The following DLC1 variants were observed in gnomAD, a reference collection of about 807,000 sequenced individuals.
The protein encoded by DLC1 is DLC1 Rho GTPase activating protein, also known as rho GTPase-activating protein 7.
Under a neutral mutation model 140.3 loss-of-function variants are expected in DLC1, and 54 were observed. The ratio of observed to expected loss-of-function variants is 0.38; its 90% confidence interval spans 0.31 to 0.48. The LOEUF (loss-of-function observed/expected upper bound fraction) is 0.48. Among genes scored for constraint, DLC1 ranks in the 20% least tolerant of loss-of-function variants. The pLI, the probability that DLC1 is intolerant of heterozygous loss-of-function variation, is 0.96. For synonymous variants in DLC1, 986 were observed against 728.1 expected, an observed-to-expected ratio of 1.35 and a Z score of -5.70; for missense variants, 2,536 against 1,907.0, an observed-to-expected ratio of 1.33 and a Z score of -6.14.
At chr8:13,230,708 T>C (rs1829009843) in intron 5 of DLC1, among the ~76,000 whole-genome samples, 1 of 151,502 alleles carries the variant, frequency 6.6e-6, no homozygotes, top group Non-Finnish European at 1.5e-5. Context: ...GCAATTCTCC[T>C]GCCTCAGCCT....
At chr8:13,422,650 G>A (rs1375620293) in intron 2 of DLC1, among the ~76,000 whole-genome samples, 1 of 152,080 alleles carries the variant, frequency 6.6e-6, no homozygotes, top group Non-Finnish European at 1.5e-5. Context: ...TCTGGTTAAA[G>A]GGAGGGTGCT....
intron 5 of DLC1, among the ~76,000 whole-genome samples, chr8:13,197,660 T>A (rs931158110): frequency 1.3e-5 from 2 of 152,016 alleles, no homozygotes; most frequent in African/African-American, 2.4e-5. Context: ...TATTTTTTTT[T>A]AAAAGAGTAA....
At chr8:13,439,501 A>C (rs946022372) in intron 2 of DLC1, among the ~76,000 whole-genome samples, 29 of 151,810 alleles carry the variant, frequency 1.9e-4, no homozygotes, top group African/African-American at 6.8e-4. Flanking sequence ...TAAATCCCTA[A>C]TGAATAAGGT....
chr8:13,374,556 GGGTGGATC>G (rs1835879816), intron 4 of DLC1, among the ~76,000 whole-genome samples: 1 of 152,118 alleles, frequency 6.6e-6, no homozygotes, highest in African/African-American at 2.4e-5. Flanking sequence ...AGGCCGAGGC[GGGTGGATC>G]ATGAGGTCAG....
intron 1 of DLC1, among the ~76,000 whole-genome samples, chr8:13,529,107 G>T (rs1280000546): frequency 1.3e-5 from 2 of 152,126 alleles, no homozygotes; most frequent in Non-Finnish European, 2.9e-5. Flanking sequence ...TAAGCGAACA[G>T]AATAAGTGAA....
intron 5 of DLC1, among the ~76,000 whole-genome samples, chr8:13,137,070 A>T (rs972722410): frequency 6.6e-6 from 1 of 152,224 alleles, no homozygotes; most frequent in African/African-American, 2.4e-5. Context: ...CCAAGAGATG[A>T]TTAAAACAAA....
At chr8:13,280,105 C>G (rs2117420017) in intron 5 of DLC1, among the ~76,000 whole-genome samples, 1 of 150,476 alleles carries the variant, frequency 6.6e-6, no homozygotes, top group African/African-American at 2.5e-5. Context: ...CAGTGAAACC[C>G]CCGTCTCTAC....
chr8:13,295,083 TG>T (rs1259377963), intron 5 of DLC1, among the ~76,000 whole-genome samples: 1 of 152,126 alleles, frequency 6.6e-6, no homozygotes, highest in African/African-American at 2.4e-5. Context: ...CACAGCTCAG[TG>T]GGGAAAATTT....
intron 4 of DLC1, among the ~76,000 whole-genome samples, chr8:13,370,562 G>C (rs1835682748): frequency 6.6e-6 from 1 of 152,098 alleles, no homozygotes; most frequent in African/African-American, 2.4e-5. Context: ...TGTGAGTGAG[G>C]GCTGTTCCTC....
chr8:13,140,165 G>A (rs956225878), intron 5 of DLC1, among the ~76,000 whole-genome samples: 1 of 152,030 alleles, frequency 6.6e-6, no homozygotes, highest in Non-Finnish European at 1.5e-5. Context: ...GCCCCTTTGT[G>A]TCTGGCTTAT....
chr8:13,218,429 G>T (rs548609589), intron 5 of DLC1, among the ~76,000 whole-genome samples: 48 of 152,180 alleles, frequency 3.2e-4, no homozygotes, highest in African/African-American at 1.1e-3. Flanking sequence ...AAAGGAAACT[G>T]TTGATAAAGA....
chr8:13,292,888 G>C (rs1831815138), intron 5 of DLC1, among the ~76,000 whole-genome samples: 1 of 152,122 alleles, frequency 6.6e-6, no homozygotes, highest in Non-Finnish European at 1.5e-5. Flanking sequence ...ATAGTTAGGA[G>C]CAGCAGCATG....
chr8:13,321,847 G>A (rs1466497024), intron 4 of DLC1, among the ~76,000 whole-genome samples: 5 of 152,090 alleles, frequency 3.3e-5, no homozygotes, highest in Non-Finnish European at 7.4e-5. Context: ...AGATGAGAGA[G>A]CTGACCTATT....
intron 1 of DLC1, among the ~76,000 whole-genome samples, chr8:13,587,602 CATATATAT>C (rs3066503): frequency 0.03 from 4,224 of 142,062 alleles, 226 homozygotes; most frequent in Admixed American, 0.12. Context: ...ATATACATTG[CATATATAT>C]ATATATATAT....
intron 16 of DLC1, among the ~76,000 whole-genome samples, chr8:13,087,143 G>C (rs1021027664): frequency 4.6e-5 from 7 of 152,190 alleles, no homozygotes; most frequent in Non-Finnish European, 1.0e-4. Context: ...GCCCATGCCT[G>C]TAATCCCGGC....
chr8:13,547,687 C>G (rs995637433), intron 1 of DLC1, among the ~76,000 whole-genome samples: 5 of 152,050 alleles, frequency 3.3e-5, no homozygotes, highest in African/African-American at 1.2e-4. Context: ...TTTTATCTAG[C>G]TATTTGTTAG....
chr8:13,175,206 T>C (rs554875334), intron 5 of DLC1, among the ~76,000 whole-genome samples: 25 of 152,240 alleles, frequency 1.6e-4, no homozygotes, highest in Middle Eastern at 3.4e-3. Context: ...TCTATTATGT[T>C]CCATTGGTCT....
At chr8:13,566,903 C>A (rs1399778288) in intron 1 of DLC1, 3 of 1,427,772 alleles carry the variant, frequency 2.1e-6, no homozygotes, top group Non-Finnish European at 2.8e-6. Context: ...GCATTGAGAT[C>A]CATTCCCGGA....
chr8:13,472,012 G>C (rs770227870), intron 2 of DLC1, among the ~76,000 whole-genome samples: 11 of 152,204 alleles, frequency 7.2e-5, no homozygotes, highest in Non-Finnish European at 1.3e-4. Flanking sequence ...ACCTACGCAC[G>C]GAAAGTCTGT....
Sources: gnomAD v4.1 joint callset for allele counts (sites outside exome capture counted in the v4.1 genomes callset) on GRCh38, gnomAD v4.1.1 for gene constraint, MANE v1.5 for transcripts, NCBI Gene and HGNC (gene_info 2026-07-23, HGNC 2026-07-21) for gene names.